Variants in BBS9 observed in about 807,000 individuals in gnomAD.
BBS9 encodes the protein protein PTHB1.
In BBS9, 89 loss-of-function variants were observed where a neutral mutation model predicts 117.7. That is an observed-to-expected ratio of 0.76 (90% CI 0.64 to 0.90). The LOEUF is 0.90. BBS9 is among the 40% of genes least tolerant of loss of function. The pLI is 0.00. For synonymous variants in BBS9, 379 were observed against 370.9 expected (o/e 1.02, Z -0.25); for missense variants, 982 against 1,042.2 (o/e 0.94, Z 0.80).
chr7:33,228,179 A>T (rs1176827536), intron 5 of BBS9, among the ~76,000 whole-genome samples: 3 of 152,064 alleles, frequency 2.0e-5, no homozygotes, highest in South Asian at 2.1e-4. Flanking sequence ...TCTTGTAGAA[A>T]TAAGGTGCTA....
chr7:33,468,190 G>T (rs1840461523), intron 19 of BBS9, among the ~76,000 whole-genome samples: 1 of 152,124 alleles, frequency 6.6e-6, no homozygotes, highest in African/African-American at 2.4e-5. Context: ...TAGTGAGGAA[G>T]AAGACTCTCC....
intron 3 of BBS9, among the ~76,000 whole-genome samples, chr7:33,153,316 C>T (rs1477160496): frequency 6.6e-6 from 1 of 152,118 alleles, no homozygotes; most frequent in Non-Finnish European, 1.5e-5. Flanking sequence ...AAGTCTTCCC[C>T]CTACAAGAGC....
At chr7:33,148,195 A>G (rs1275738074) in intron 2 of BBS9, among the ~76,000 whole-genome samples, 1 of 152,170 alleles carries the variant, frequency 6.6e-6, no homozygotes, top group Non-Finnish European at 1.5e-5. Flanking sequence ...TACAGAATAG[A>G]GGTAGAGATT....
At position 33,341,932 on chromosome 7, in the gene BBS9, T is replaced by C. The variant is rs76038800; in HGVS notation, c.1275+959T>C. Among the ~76,000 whole-genome samples the C allele has an allele frequency of 0.02, 3,005 of 152,030 alleles. 201 individuals are homozygous for C. In the East Asian group the frequency reaches 0.26, roughly 13 times the overall value. On this transcript the variant is annotated intron_variant, in intron 11 of 22. Transcript: ENST00000242067. ...AGAAACAGATGATCACCAACAGAAA[T>C]TGGTGTAGAAATTGATCTGTGTAGA... is the stretch of plus-strand genomic sequence containing the variant.
chr7:33,301,011 T>C (rs1412043190), intron 9 of BBS9, among the ~76,000 whole-genome samples: 1 of 152,166 alleles, frequency 6.6e-6, no homozygotes, highest in Admixed American at 6.5e-5. Flanking sequence ...ATCTGGCTTC[T>C]GTAGGTATTA....
chr7:33,427,618 T>C (rs1368448808), intron 19 of BBS9, among the ~76,000 whole-genome samples: 9 of 152,222 alleles, frequency 5.9e-5, no homozygotes, highest in Admixed American at 5.9e-4. Flanking sequence ...TTATTAGTTT[T>C]ACAGTTCTTG....
chr7:33,534,132 G>A lies in BBS9; in HGVS notation c.2477G>A (p.Cys826Tyr). The change falls in exon 21 of 23, where the codon TGC (cysteine) becomes TAC (tyrosine). Residue 826 changes from cysteine to tyrosine, a missense_variant. Physicochemically the swap from Cys to Tyr is radical, Grantham distance 194. Coordinates refer to ENST00000242067, the MANE Select transcript of BBS9 (RefSeq NM_198428.3). Reference protein sequence around the residue: ...CDRLSKGGRLCLSTDAAAPQT... With the variant: ...CDRLSKGGRLYLSTDAAAPQT... ...AGATTATCCAAAGGTGGCCGTCTCT[G>A]CCTAAGTACCGATGCAGCAGCCCCA... 1.2e-6 allele frequency: 2 copies of A among 1,614,172 alleles called. No homozygotes were observed. Among genetic ancestry groups the A allele is most frequent in the Non-Finnish European group, 1.7e-6 (2 of 1,180,042 alleles).
At chr7:33,245,118 G>A (rs1795131375) in intron 5 of BBS9, among the ~76,000 whole-genome samples, 1 of 152,040 alleles carries the variant, frequency 6.6e-6, no homozygotes, top group Non-Finnish European at 1.5e-5. Flanking sequence ...GGGATCTAAG[G>A]ATCATTCTGC....
chr7:33,155,245 C>A (rs573288435), intron 3 of BBS9, among the ~76,000 whole-genome samples: 1 of 152,194 alleles, frequency 6.6e-6, no homozygotes, highest in Non-Finnish European at 1.5e-5. Flanking sequence ...TTTCATTGAA[C>A]CTCTTATTTT....
At chr7:33,601,924 C>A (rs550608626) in intron 21 of BBS9, among the ~76,000 whole-genome samples, 11 of 151,880 alleles carry the variant, frequency 7.2e-5, no homozygotes, top group Non-Finnish European at 1.6e-4. Context: ...AGCTATGGAG[C>A]CCCTAGTGCT....
intron 9 of BBS9, among the ~76,000 whole-genome samples, chr7:33,324,870 C>A (rs4723278): frequency 0.15 from 23,046 of 152,112 alleles, 2,178 homozygotes; most frequent in South Asian, 0.21. Flanking sequence ...CATTGTAGGG[C>A]ATTTGTTTCT....
intron 21 of BBS9, among the ~76,000 whole-genome samples, chr7:33,598,803 C>T (rs1863332887): frequency 6.6e-6 from 1 of 152,168 alleles, no homozygotes; most frequent in South Asian, 2.1e-4. Context: ...AGACATCTGG[C>T]AGTGTTAAAT....
chr7:33,155,712 A>AATTTTTTTTTCTTTTCT lies in BBS9; in HGVS notation c.328+10_328+11insATTTTTTTTTCTTTTCT. 7.1e-7 allele frequency: 1 copy of AATTTTTTTTTCTTTTCT among 1,412,196 alleles called. No individual in the cohort carries two copies. Among genetic ancestry groups the AATTTTTTTTTCTTTTCT allele is most frequent in the Non-Finnish European group, 1.0e-6 (1 of 1,003,084 alleles). The allele number at this position is 1,412,196 out of a possible 1,614,324, so 87.5% of individuals were successfully genotyped here. On this transcript the variant is annotated intron_variant, in intron 4 of 22. Coordinates refer to ENST00000242067, the MANE Select transcript of BBS9 (RefSeq NM_198428.3). Reference sequence around the variant, plus strand: ...GTCTACTCTGTCTCAGGTAAGAAATATTTTTACCAATGTAGAATTTATATT... The same window carrying AATTTTTTTTTCTTTTCT: ...GTCTACTCTGTCTCAGGTAAGAAATAATTTTTTTTTCTTTTCTTTTTTACCAATGTAGAATTTATATT...
chr7:33,222,240 T>A (rs1325314195), intron 5 of BBS9, among the ~76,000 whole-genome samples: 2 of 152,212 alleles, frequency 1.3e-5, no homozygotes, highest in Admixed American at 6.5e-5. Context: ...CCTTTTTAGA[T>A]TTTTTCATCT....
intron 16 of BBS9, among the ~76,000 whole-genome samples, chr7:33,362,668 TATA>T (rs1438879933): frequency 6.6e-6 from 1 of 152,226 alleles, no homozygotes; most frequent in Non-Finnish European, 1.5e-5. Context: ...ACTGTATATT[TATA>T]ATAAGTCTTG....
chr7:33,440,948 A>G (rs1020974832), intron 19 of BBS9, among the ~76,000 whole-genome samples: 6 of 152,328 alleles, frequency 3.9e-5, no homozygotes, highest in Non-Finnish European at 5.9e-5. Context: ...TTGAAGGGTG[A>G]TAGAAATATT....
chr7:33,203,048 A>G (rs895322963), intron 5 of BBS9, among the ~76,000 whole-genome samples: 1 of 152,150 alleles, frequency 6.6e-6, no homozygotes, highest in Non-Finnish European at 1.5e-5. Flanking sequence ...CTTGGGTCAT[A>G]TGCTAATTCT....
At chr7:33,267,270 A>G (rs555592748) in intron 7 of BBS9, among the ~76,000 whole-genome samples, 3 of 151,972 alleles carry the variant, frequency 2.0e-5, no homozygotes, top group South Asian at 4.1e-4. Flanking sequence ...ACCTTTTTCT[A>G]TCTTTCCACT....
intron 12 of BBS9, 81 bp downstream of exon 12, chr7:33,344,715 G>GC: frequency 7.2e-7 from 1 of 1,386,638 alleles, no homozygotes; most frequent in South Asian, 1.2e-5. Context: ...GAACTTGTAA[G>GC]TAGCTTACAG....
Sources: gnomAD v4.1 joint callset for allele counts (sites outside exome capture counted in the v4.1 genomes callset) on GRCh38, gnomAD v4.1.1 for gene constraint, MANE v1.5 for transcripts, NCBI Gene and HGNC (gene_info 2026-07-23, HGNC 2026-07-21) for gene names.